The following CDKAL1 variants were observed in gnomAD, a reference collection of about 807,000 sequenced individuals.
CDKAL1 encodes CDKAL1 threonylcarbamoyladenosine tRNA methylthiotransferase.
Under a neutral mutation model 68.2 loss-of-function variants are expected in CDKAL1, and 32 were observed. The ratio of observed to expected loss-of-function variants is 0.47; its 90% CI spans 0.35 to 0.63. The LOEUF is 0.63. Among genes scored for constraint, CDKAL1 ranks in the 30% least tolerant of loss-of-function variants. The pLI is 0.00. For missense variants in CDKAL1, 606 were observed against 696.7 expected (o/e 0.87, Z 1.47); for synonymous variants, 234 against 244.3 (o/e 0.96, Z 0.39).
In CDKAL1 at chr6:20,643,048, A is replaced by C. The variant is rs143688417; in HGVS notation, c.287-6245A>C. ...ATATCCCAACTTTGGCATTGGCAAT[A>C]TTTAGCTTATGTGCAGATGGTTTTC... is the stretch of plus-strand genomic sequence containing the variant. On this transcript the variant is annotated intron_variant, in intron 4 of 15. Transcript: ENST00000274695. Among the ~76,000 whole-genome samples the C allele has an allele frequency of 4.9e-3, 747 of 152,328 alleles. 4 individuals carry two copies. Among genetic ancestry groups the C allele is most frequent in the African/African-American group, 0.017 (701 of 41,562 alleles).
intron 9 of CDKAL1, among the ~76,000 whole-genome samples, chr6:20,866,480 C>G (rs1286291450): frequency 6.6e-6 from 1 of 152,012 alleles, no homozygotes; most frequent in Non-Finnish European, 1.5e-5. Context: ...CTATTAAGAC[C>G]CATTTGGGCA....
At chr6:21,157,697 A>T (rs1776712690) in intron 13 of CDKAL1, among the ~76,000 whole-genome samples, 1 of 152,242 alleles carries the variant, frequency 6.6e-6, no homozygotes, top group South Asian at 2.1e-4. Flanking sequence ...TACATCTACC[A>T]GTCACCTAAC....
intron 4 of CDKAL1, among the ~76,000 whole-genome samples, chr6:20,620,493 G>A (rs1024871358): frequency 6.6e-6 from 1 of 152,196 alleles, no homozygotes; most frequent in East Asian, 1.9e-4. Context: ...AGATGAGAAA[G>A]GTGAAGCTCC....
At chr6:21,214,901 G>GAATGAATC (rs1779288779) in intron 15 of CDKAL1, among the ~76,000 whole-genome samples, 1 of 152,022 alleles carries the variant, frequency 6.6e-6, no homozygotes, top group Non-Finnish European at 1.5e-5. Context: ...ATGAATGAAT[G>GAATGAATC]AATGAATGAA....
intron 13 of CDKAL1, among the ~76,000 whole-genome samples, chr6:21,188,014 G>A (rs1268698146): frequency 2.0e-5 from 3 of 152,106 alleles, no homozygotes; most frequent in Non-Finnish European, 2.9e-5. Flanking sequence ...TCACATATGT[G>A]CTGTATGTAG....
chr6:20,703,302 T>A (rs1562038335), intron 5 of CDKAL1, among the ~76,000 whole-genome samples: 2 of 152,214 alleles, frequency 1.3e-5, no homozygotes, highest in Non-Finnish European at 2.9e-5. Context: ...AGGTACTGTT[T>A]GTGACTGCAT....
chr6:21,175,879 A>T (rs1777553509), intron 13 of CDKAL1, among the ~76,000 whole-genome samples: 1 of 152,250 alleles, frequency 6.6e-6, no homozygotes, highest in Non-Finnish European at 1.5e-5. Context: ...CATTTGTAAC[A>T]TTACTTTATA....
chr6:20,989,325 G>A (rs182477723), intron 10 of CDKAL1, among the ~76,000 whole-genome samples: 152 of 152,248 alleles, frequency 1.0e-3, no homozygotes, highest in African/African-American at 3.3e-3. Flanking sequence ...ATAGTTTGAT[G>A]TTTAGTAAGT....
chr6:21,093,960 G>C (rs981633289), intron 12 of CDKAL1, among the ~76,000 whole-genome samples: 2 of 141,450 alleles, frequency 1.4e-5, no homozygotes, highest in African/African-American at 5.3e-5. Flanking sequence ...TCAAACTTCT[G>C]GCCTCAAGCT....
chr6:21,029,815 AAAGT>A (rs1293793536), intron 11 of CDKAL1, among the ~76,000 whole-genome samples: 3 of 152,212 alleles, frequency 2.0e-5, no homozygotes, highest in Non-Finnish European at 4.4e-5. Flanking sequence ...CAGTTATTAA[AAAGT>A]CAAGAAACAA....
chr6:21,050,709 G>T (rs1770495004), intron 11 of CDKAL1, among the ~76,000 whole-genome samples: 2 of 152,188 alleles, frequency 1.3e-5, no homozygotes, highest in Non-Finnish European at 2.9e-5. Flanking sequence ...AATAGATGAA[G>T]GGTGGGGATC....
At chr6:20,767,728 A>T in intron 7 of CDKAL1, among the ~76,000 whole-genome samples, 1 of 152,364 alleles carries the variant, frequency 6.6e-6, no homozygotes, top group Middle Eastern at 3.4e-3. Context: ...TATTACAATA[A>T]TGTTTAATCG....
At chr6:20,959,407 CATGCTTT>C (rs1764942383) in intron 10 of CDKAL1, among the ~76,000 whole-genome samples, 1 of 152,108 alleles carries the variant, frequency 6.6e-6, no homozygotes, top group African/African-American at 2.4e-5. Flanking sequence ...AAACAATAAA[CATGCTTT>C]ATGTCACCTT....
chr6:20,746,996 T>A (rs1048417432), intron 6 of CDKAL1, among the ~76,000 whole-genome samples: 8 of 152,172 alleles, frequency 5.3e-5, no homozygotes, highest in African/African-American at 1.9e-4. Context: ...CACATTTTTC[T>A]CCCCCTCCCC....
At chr6:21,022,727 A>C (rs1041269761) in intron 11 of CDKAL1, among the ~76,000 whole-genome samples, 2 of 152,106 alleles carry the variant, frequency 1.3e-5, no homozygotes, top group Non-Finnish European at 2.9e-5. Flanking sequence ...CAGTCTCTTC[A>C]TCCCTGTCAT....
At chr6:21,111,675 A>G (rs1424926160) in intron 13 of CDKAL1, among the ~76,000 whole-genome samples, 1 of 152,254 alleles carries the variant, frequency 6.6e-6, no homozygotes, top group Non-Finnish European at 1.5e-5. Context: ...CAAAATGTGT[A>G]CCCAGAATAA....
At chr6:20,843,299 T>G (rs182050935) in intron 8 of CDKAL1, among the ~76,000 whole-genome samples, 14 of 152,190 alleles carry the variant, frequency 9.2e-5, no homozygotes, top group Non-Finnish European at 5.9e-5. Context: ...TTTTAAAATA[T>G]GTTTCTTTTC....
intron 15 of CDKAL1, among the ~76,000 whole-genome samples, chr6:21,213,041 C>T (rs1165724220): frequency 6.6e-6 from 1 of 152,136 alleles, no homozygotes; most frequent in African/African-American, 2.4e-5. Flanking sequence ...TTCCACAGGC[C>T]CCTGGCTCCC....
intron 5 of CDKAL1, among the ~76,000 whole-genome samples, chr6:20,704,248 C>A (rs1257814097): frequency 6.6e-6 from 1 of 152,120 alleles, no homozygotes; most frequent in Non-Finnish European, 1.5e-5. Flanking sequence ...AAATTTTCTG[C>A]TGTCATGTAG....
Sources: allele counts gnomAD v4.1 joint callset (sites outside exome capture counted in the v4.1 genomes callset), GRCh38; gene constraint gnomAD v4.1.1; transcripts MANE v1.5; gene names NCBI Gene and HGNC (gene_info 2026-07-23, HGNC 2026-07-21).